LINGO2: variants seen among roughly 807,000 people sequenced by gnomAD.
LINGO2 encodes the protein leucine rich repeat and Ig domain containing 2.
LINGO2 carries 14 observed loss-of-function variants against 30.6 expected under a neutral mutation model. The observed-to-expected ratio is 0.46, with a 90% CI of 0.30 to 0.72. The LOEUF is 0.72. Ranked by LOEUF, LINGO2 falls within the 30% of genes least tolerant of loss-of-function variation. LINGO2 has a pLI of 0.07. For synonymous variants in LINGO2, 317 were observed against 288.5 expected (o/e 1.10, Z -1.00); for missense variants, 729 against 751.7 (o/e 0.97, Z 0.35).
intron 2 of LINGO2, among the ~76,000 whole-genome samples, chr9:28,435,846 A>G (rs1823899662): frequency 6.6e-6 from 1 of 152,216 alleles, no homozygotes; most frequent in Non-Finnish European, 1.5e-5. Context: ...AAGATAATAG[A>G]ATGAACAAAA....
the LINGO2 span, among the ~76,000 whole-genome samples, chr9:29,131,696 C>A: frequency 6.6e-6 from 1 of 152,028 alleles, no homozygotes; most frequent in Non-Finnish European, 1.5e-5. Flanking sequence ...CTTGAAAAGT[C>A]ATCAATGTAA....
intron 4 of LINGO2, among the ~76,000 whole-genome samples, chr9:28,180,559 A>G (rs1053618839): frequency 6.6e-6 from 1 of 152,106 alleles, no homozygotes; most frequent in Non-Finnish European, 1.5e-5. Flanking sequence ...CTCAGTCCTC[A>G]TGTTTTCTAT....
At chr9:28,082,925 C>A (rs1248706162) in intron 4 of LINGO2, among the ~76,000 whole-genome samples, 3 of 152,110 alleles carry the variant, frequency 2.0e-5, no homozygotes, top group African/African-American at 7.2e-5. Flanking sequence ...CCTCTGTTAG[C>A]ATCTTAATGA....
the LINGO2 span, among the ~76,000 whole-genome samples, chr9:28,699,748 A>G: frequency 6.6e-6 from 1 of 152,084 alleles, no homozygotes; most frequent in South Asian, 2.1e-4. Flanking sequence ...AACGAATTGT[A>G]TTCCTGGGGG....
intron 1 of LINGO2, among the ~76,000 whole-genome samples, chr9:28,654,293 A>G (rs1345571067): frequency 6.6e-6 from 1 of 152,160 alleles, no homozygotes; most frequent in Admixed American, 6.5e-5. Flanking sequence ...TTTATGTACT[A>G]AGAAAGCAAG....
At chr9:28,010,252 A>G (rs1190911124) in intron 5 of LINGO2, among the ~76,000 whole-genome samples, 1 of 152,214 alleles carries the variant, frequency 6.6e-6, no homozygotes, top group African/African-American at 2.4e-5. Flanking sequence ...TTAAAATTTT[A>G]GCATTAAATT....
At chr9:29,088,730 A>C in the LINGO2 span, among the ~76,000 whole-genome samples, 4 of 152,186 alleles carry the variant, frequency 2.6e-5, no homozygotes, top group Non-Finnish European at 4.4e-5. Context: ...ACAGTTCTTC[A>C]GTTTAAAATG....
the LINGO2 span, among the ~76,000 whole-genome samples, chr9:28,737,044 A>C: frequency 1.3e-5 from 2 of 152,110 alleles, no homozygotes; most frequent in African/African-American, 2.4e-5. Context: ...TGTCCTTAAA[A>C]CTGGTTTAGA....
chr9:28,547,618 C>T (rs929800836), intron 1 of LINGO2, among the ~76,000 whole-genome samples: 4 of 152,030 alleles, frequency 2.6e-5, no homozygotes, highest in African/African-American at 9.7e-5. Context: ...AATTAAGAAG[C>T]CTACCATTAA....
At chr9:28,954,743 A>C in the LINGO2 span, among the ~76,000 whole-genome samples, 1 of 152,226 alleles carries the variant, frequency 6.6e-6, no homozygotes, top group Non-Finnish European at 1.5e-5. Flanking sequence ...ATGACTATCA[A>C]ATAGTGACTT....
chr9:28,480,110 T>C (rs761337007), intron 1 of LINGO2, among the ~76,000 whole-genome samples: 1 of 151,530 alleles, frequency 6.6e-6, no homozygotes, highest in Non-Finnish European at 1.5e-5. Flanking sequence ...ATAATCATTG[T>C]AGGTCAATAA....
chr9:29,039,848 G>A, the LINGO2 span, among the ~76,000 whole-genome samples: 11 of 152,168 alleles, frequency 7.2e-5, no homozygotes, highest in Admixed American at 4.6e-4. Flanking sequence ...GCACAGCAAC[G>A]GTAGGACAGG....
intron 1 of LINGO2, among the ~76,000 whole-genome samples, chr9:28,504,278 T>G (rs1042837066): frequency 1.3e-5 from 2 of 151,940 alleles, no homozygotes; most frequent in African/African-American, 4.8e-5. Flanking sequence ...TGTTTATCAT[T>G]TAAAACACTG....
At chr9:29,157,797 C>G in the LINGO2 span, among the ~76,000 whole-genome samples, 1 of 151,966 alleles carries the variant, frequency 6.6e-6, no homozygotes, top group South Asian at 2.1e-4. Flanking sequence ...CATAAGCAAG[C>G]TCAAATTTTG....
At chr9:28,868,523 A>T in the LINGO2 span, among the ~76,000 whole-genome samples, 5 of 152,092 alleles carry the variant, frequency 3.3e-5, no homozygotes, top group African/African-American at 1.2e-4. Context: ...GTCATCTGAG[A>T]GATAACTCAT....
intron 5 of LINGO2, among the ~76,000 whole-genome samples, chr9:27,994,936 T>C (rs10968263): frequency 0.24 from 35,773 of 152,072 alleles, 4,749 homozygotes; most frequent in African/African-American, 0.37. Context: ...TCTCTGCTCT[T>C]AATTTGCCTT....
chr9:28,972,776 A>G, the LINGO2 span, among the ~76,000 whole-genome samples: 1 of 152,176 alleles, frequency 6.6e-6, no homozygotes, highest in African/African-American at 2.4e-5. Flanking sequence ...CACGTCTTAC[A>G]TGGTGGCAGG....
upstream of LINGO2, among the ~76,000 whole-genome samples, chr9:28,673,098 A>ATT (rs1239019125): frequency 1.3e-5 from 2 of 152,144 alleles, no homozygotes; most frequent in Middle Eastern, 3.2e-3. Flanking sequence ...TTTGTAGGGT[A>ATT]TTTTTTAAAG....
intron 4 of LINGO2, among the ~76,000 whole-genome samples, chr9:28,272,892 T>TATAA (rs1822991104): frequency 6.6e-6 from 1 of 152,134 alleles, no homozygotes; most frequent in African/African-American, 2.4e-5. Flanking sequence ...CATCTTCTCC[T>TATAA]CACCCTATAA....
Sources: allele counts gnomAD v4.1 joint callset (sites outside exome capture counted in the v4.1 genomes callset), GRCh38; gene constraint gnomAD v4.1.1; transcripts MANE v1.5; gene names NCBI Gene and HGNC (gene_info 2026-07-23, HGNC 2026-07-21).